NLRP14: variants seen among roughly 807,000 people sequenced by gnomAD.
NLRP14 encodes the protein NLR family pyrin domain containing 14, also known as NACHT, LRR and PYD domains-containing protein 14.
A neutral mutation model predicts 94.7 loss-of-function variants in NLRP14; 105 were observed. The ratio of observed to expected loss-of-function variants is 1.11; its 90% confidence interval spans 0.95 to 1.30. The LOEUF (loss-of-function observed/expected upper bound fraction) is 1.30. Among genes scored for constraint, NLRP14 ranks in the 50% most tolerant of loss-of-function variants. NLRP14 has a pLI of 0.00. For missense variants in NLRP14, 1,362 were observed against 1,254.1 expected (o/e 1.09, Z -1.30); for synonymous variants, 508 against 459.9 (o/e 1.10, Z -1.34).
Position 7,069,560 on chromosome 11 carries a change from C to A in NLRP14, c.2976-726C>A, listed in dbSNP as rs543522789. On this transcript the variant is annotated intron_variant, in intron 10 of 11. Transcript: ENST00000299481. The stretch of plus-strand genomic sequence containing the variant: ...GCTGACCTAATGTATTCGAAATAGG[C>A]CATGTAATTGCATTTTTATTTGCAT... Among the ~76,000 whole-genome samples the A allele has an allele frequency of 2.6e-5, 4 of 152,296 alleles. No homozygotes were observed. The South Asian group carries it at 8.3e-4, about 32-fold the overall frequency.
At chr11:7,087,600 A>G in the NLRP14 span, among the ~76,000 whole-genome samples, 1 of 152,206 alleles carries the variant, frequency 6.6e-6, no homozygotes, top group Non-Finnish European at 1.5e-5. Context: ...TAAGCAGTAA[A>G]CTTGATTTTA....
intron 1 of NLRP14, among the ~76,000 whole-genome samples, chr11:7,031,214 G>T (rs560702714): frequency 6.6e-6 from 1 of 152,322 alleles, no homozygotes; most frequent in East Asian, 1.9e-4. Flanking sequence ...ACCGACGCCT[G>T]GTGAGACCGA....
chr11:7,066,716 T>TA (rs1340959005), intron 10 of NLRP14, among the ~76,000 whole-genome samples: 1 of 152,208 alleles, frequency 6.6e-6, no homozygotes, highest in Non-Finnish European at 1.5e-5. Flanking sequence ...TTTGTCAATT[T>TA]TGGGTTTTGT....
rs780549595 is a variant in NLRP14 at position 7,070,494 on chromosome 11, A to G, written c.3146+38A>G. 4.1e-6 allele frequency: 6 copies of G among 1,477,262 alleles called. No individual in the cohort carries two copies. The Admixed American group carries it at 6.7e-5, about 17-fold the overall frequency. The allele number at this position is 1,477,262 out of a possible 1,614,324, so 91.5% of individuals were successfully genotyped here. ...TGGCTTCTCAGGGGGAGCATTTCCTATAATGAGGGATTTGGGGAGCCACTC... is the reference window on the plus strand; with the variant it reads ...TGGCTTCTCAGGGGGAGCATTTCCTGTAATGAGGGATTTGGGGAGCCACTC... On this transcript the variant is annotated intron_variant, in intron 11 of 11. Transcript: ENST00000299481.
intron 4 of NLRP14, among the ~76,000 whole-genome samples, 157 bp downstream of exon 4, chr11:7,044,141 A>G (rs530248576): frequency 1.3e-5 from 2 of 152,218 alleles, no homozygotes; most frequent in South Asian, 4.1e-4. Flanking sequence ...TAAACCCCTT[A>G]TTGACCAATC....
chr11:7,023,520 A>T (rs988852681), intron 1 of NLRP14, among the ~76,000 whole-genome samples: 2 of 89,766 alleles, frequency 2.2e-5, no homozygotes, highest in Non-Finnish European at 5.0e-5. Context: ...GTATTAATAT[A>T]TAAAATATAT....
Position 7,071,384 on chromosome 11 carries a change from G to T in NLRP14, c.*76G>T, listed in dbSNP as rs548359027. ...CATAGATATATACCCAGACTTGGGT[G>T]CTTAGCTTCAGATACTCTATGCCCA... On this transcript the variant is annotated 3_prime_UTR_variant, in exon 12 of 12. Transcript: ENST00000299481. 5.6e-6 allele frequency: 7 copies of T among 1,255,498 alleles called. No homozygotes were observed. In the African/African-American group the frequency reaches 7.5e-5, roughly 13 times the overall value. The allele number at this position is 1,255,498 out of a possible 1,614,324, so 77.8% of individuals were successfully genotyped here. A position where few individuals can be genotyped will look rare whatever the true frequency, so the allele number is the denominator to read the frequency against.
rs373658178 is a variant in NLRP14, at chr11:7,059,531, T to C, written c.2634-363T>C. Among the ~76,000 whole-genome samples, 117 of 152,116 alleles carry C rather than the reference T, an allele frequency of 7.7e-4. 5 individuals carry two copies. The South Asian group carries it at 0.023, about 30-fold the overall frequency. On this transcript the variant is annotated intron_variant, in intron 8 of 11. Transcript: ENST00000299481. ...ATGGATTTTCCTTACTGTTTGAAAA[T>C]GCCGCTTCTATTACATACAAAGAGT...
intron 6 of NLRP14, among the ~76,000 whole-genome samples, chr11:7,050,377 G>A (rs1269100380): frequency 6.6e-6 from 1 of 152,196 alleles, no homozygotes; most frequent in Non-Finnish European, 1.5e-5. Context: ...CTATTGATCT[G>A]AGTGGTGACT....
intron 1 of NLRP14, among the ~76,000 whole-genome samples, chr11:7,024,627 T>A (rs1851989707): frequency 6.6e-6 from 1 of 152,246 alleles, no homozygotes; most frequent in South Asian, 2.1e-4. Context: ...TGCTGCTTTG[T>A]GTCCATATCT....
At chr11:7,059,809 T>C in intron 8 of NLRP14, 85 bp from the exon 9 acceptor site, 1 of 1,186,572 alleles carries the variant, frequency 8.4e-7, no homozygotes, top group Non-Finnish European at 1.2e-6. Context: ...AGATAAGGGA[T>C]CAAATCATGA....
Position 7,041,196 on chromosome 11 carries a change from C to T in NLRP14, c.362-1192C>T, listed in dbSNP as rs372662095. On this transcript the variant is annotated intron_variant, in intron 3 of 11. Transcript: ENST00000299481. ...TCCCTGCCTGGCCAATCATTATTTTCGCTTTTTGGGATTTTTTAGTTATCA... is the reference window on the plus strand; with the variant it reads ...TCCCTGCCTGGCCAATCATTATTTTTGCTTTTTGGGATTTTTTAGTTATCA... 7.2e-5 allele frequency among the ~76,000 whole-genome samples: 11 copies of T among 152,104 alleles called. No homozygotes were observed. The East Asian group carries it at 1.5e-3, about 21-fold the overall frequency.
chr11:7,029,607 A>C (rs1852063397), intron 1 of NLRP14, among the ~76,000 whole-genome samples: 1 of 152,216 alleles, frequency 6.6e-6, no homozygotes, highest in South Asian at 2.1e-4. Context: ...ATTTATACGG[A>C]TATCTTTCAT....
At chr11:7,090,329 T>C in the NLRP14 span, 1 of 1,558,184 alleles carries the variant, frequency 6.4e-7, no homozygotes. Flanking sequence ...CAAAAATCCC[T>C]TTTCAACGAA....
rs1242694475 is a variant in NLRP14, at chr11:7,057,787, A to T, written c.2402A>T (p.Asp801Val). 2.5e-6 allele frequency: 4 copies of T among 1,612,194 alleles called. No homozygotes were observed. The Admixed American group carries it at 6.7e-5, about 27-fold the overall frequency. The change falls in exon 7 of 12, where the codon GAT becomes GTT. Residue 801 changes from aspartate to valine, a missense_variant. Physicochemically the swap from Asp to Val is radical, Grantham distance 152. Transcript: ENST00000299481. ...LNLSTNNLLD[D>V]GVQLLCEALR... ...CTGTCAACCAATAATCTGTTGGATG[A>T]TGGAGTGCAGCTTTTGTGTGAGGCC...
chr11:7,053,990 C>A (rs967412806), intron 6 of NLRP14, among the ~76,000 whole-genome samples: 1 of 152,144 alleles, frequency 6.6e-6, no homozygotes, highest in Non-Finnish European at 1.5e-5. Context: ...TCATTCTACT[C>A]TCTATGTCCA....
intron 8 of NLRP14, 126 bp downstream of exon 8, chr11:7,058,576 A>G (rs2119680292): frequency 2.8e-6 from 2 of 726,102 alleles, no homozygotes; most frequent in Non-Finnish European, 4.7e-6. Context: ...GAAGAAGGTG[A>G]AAGTGATATT....
chr11:7,039,879 G>C (rs1352865678), intron 3 of NLRP14, 94 bp downstream of exon 3: 3 of 1,004,168 alleles, frequency 3.0e-6, no homozygotes, highest in African/African-American at 1.6e-5. Flanking sequence ...TTCAAATCTT[G>C]TTAACTTCTT....
rs1852192604 is a variant in NLRP14, at chr11:7,038,478, T to C, written c.-21-88T>C. ...CTTCTGCAAATGTTTGTTAAATTAA[T>C]CTATATAAGTATTTCATTTTCAAAT... is the stretch of plus-strand genomic sequence containing the variant. On this transcript the variant is annotated intron_variant, in intron 1 of 11. Transcript: ENST00000299481. 2.2e-5 allele frequency: 24 copies of C among 1,084,978 alleles called. No homozygotes were observed. The South Asian group carries it at 3.0e-4, about 14-fold the overall frequency. 67.2% of individuals were successfully genotyped at this position (1,084,978 alleles called of 1,614,324 possible).
Sources: gnomAD v4.1 joint callset for allele counts (sites outside exome capture counted in the v4.1 genomes callset) on GRCh38, gnomAD v4.1.1 for gene constraint, MANE v1.5 for transcripts, NCBI Gene and HGNC (gene_info 2026-07-23, HGNC 2026-07-21) for gene names.